Variants in CASKIN1 observed in about 807,000 individuals in gnomAD.
CASKIN1 encodes the protein CASK interacting protein 1, also known as caskin-1.
CASKIN1 carries 42 observed loss-of-function variants against 117.5 expected under a neutral mutation model. The observed-to-expected ratio is 0.36, with a 90% CI of 0.28 to 0.46. The LOEUF is 0.46. Among genes scored for constraint, CASKIN1 ranks in the 20% least tolerant of loss-of-function variants. The pLI is 1.00. For missense variants in CASKIN1, 2,083 were observed against 2,077.3 expected (o/e 1.00, Z -0.05); for synonymous variants, 1,148 against 961.7 (o/e 1.19, Z -3.59).
At chr16:2,186,501 A>G (rs1383949911) in intron 10 of CASKIN1, among the ~76,000 whole-genome samples, 1 of 152,100 alleles carries the variant, frequency 6.6e-6, no homozygotes, top group African/African-American at 2.4e-5. Context: ...ATGGCAGCAC[A>G]CAGTGCTTGG....
At chr16:2,183,515 G>A (rs2093174385) in intron 16 of CASKIN1, 131 bp downstream of exon 16, 1 of 839,660 alleles carries the variant, frequency 1.2e-6, no homozygotes, top group Admixed American at 2.5e-5. Context: ...CCTGCTAGCA[G>A]GGCATCCTCC....
At position 2,183,571 on chromosome 16, in the gene CASKIN1, C is replaced by G. The variant is rs975635066; in HGVS notation, c.1629+75G>C. The G allele has an allele frequency of 3.1e-5, 45 of 1,458,256 alleles. No homozygotes were observed. The South Asian group carries it at 5.2e-4, about 17-fold the overall frequency. 90.3% of individuals were successfully genotyped at this position (1,458,256 alleles called of 1,614,324 possible). A position where few individuals can be genotyped will look rare whatever the true frequency, so the allele number is the denominator to read the frequency against. ...CCTGAGGGCGGGTGGGAGTTGTGGC[C>G]AGGGAGGCAGGTTCTCTGTCTGTCT... On this transcript the variant is annotated intron_variant, in intron 16 of 19. Coordinates refer to ENST00000343516, the MANE Select transcript of CASKIN1 (RefSeq NM_020764.4).
intron 3 of CASKIN1, among the ~76,000 whole-genome samples, 181 bp downstream of exon 3, chr16:2,189,892 G>A (rs1269742072): frequency 6.6e-6 from 1 of 152,030 alleles, no homozygotes; most frequent in Non-Finnish European, 1.5e-5. Context: ...GGGGGTGCTA[G>A]GAGCTGACCC....
At chr16:2,190,737 G>C (rs928430559) in intron 1 of CASKIN1, among the ~76,000 whole-genome samples, 5 of 152,214 alleles carry the variant, frequency 3.3e-5, no homozygotes, top group Non-Finnish European at 7.4e-5. Context: ...GGGAGGGAGA[G>C]AGCCGGCCCA....
Position 2,189,288 on chromosome 16 carries a change from T to G in CASKIN1, c.436A>C (p.Asn146His). Residue 146 changes from asparagine (N) to histidine (H), a missense_variant, in exon 5 of 20, where the codon AAC becomes CAC. Physicochemically the swap from Asn to His is moderately conservative, Grantham distance 68. Coordinates refer to ENST00000343516, the MANE Select transcript of CASKIN1 (RefSeq NM_020764.4). Reference protein sequence around the residue: ...QHQSNPCMVDNSGKTPLDLAC... With the variant: ...QHQSNPCMVDHSGKTPLDLAC... Reference sequence around the variant, plus strand: ...AGGTCCAGGGGCGTCTTCCCCGAGTTGTCCACCATGCACGGGTTAGACTGG... The same window carrying G: ...AGGTCCAGGGGCGTCTTCCCCGAGTGGTCCACCATGCACGGGTTAGACTGG... 1 of 1,613,276 alleles carries G rather than the reference T, an allele frequency of 6.2e-7. No homozygotes were observed. Among genetic ancestry groups the G allele is most frequent in the Non-Finnish European group, 8.5e-7 (1 of 1,179,906 alleles).
Position 2,187,455 on chromosome 16 carries a change from G to A in CASKIN1, c.624C>T (p.Leu208=). 6.2e-7 allele frequency: 1 copy of A among 1,604,062 alleles called. No individual in the cohort carries two copies. Among genetic ancestry groups the A allele is most frequent in the South Asian group, 1.1e-5 (1 of 91,008 alleles). ...GGTTAATGTCGATGCCGGCTTGGAGGAGGAGCCTGGCGGGAAGGCAAGGTG... is the reference window on the plus strand; with the variant it reads ...GGTTAATGTCGATGCCGGCTTGGAGAAGGAGCCTGGCGGGAAGGCAAGGTG... ...KNGHIDIIRL[L]LQAGIDINRQ... is the part of the protein sequence containing the mutation. Residue 208 remains leucine, a synonymous_variant, in exon 7 of 20, where the codon CTC becomes CTT. Coordinates refer to ENST00000343516, the MANE Select transcript of CASKIN1 (RefSeq NM_020764.4).
rs777290410 is a variant in CASKIN1 at position 2,180,173 on chromosome 16, C to T, written c.3195G>A (p.Thr1065=). 20 of 1,549,990 alleles carry T rather than the reference C, an allele frequency of 1.3e-5. No individual in the cohort carries two copies. Among genetic ancestry groups the T allele is most frequent in the South Asian group, 4.7e-5 (4 of 84,346 alleles). ...GAAGTCCGGTGACTGGCCCGCTGAG[C>T]GTGCGGCGCCGGTTCACCACCTCCC... ...PGGEVVNRRR[T]LSGPVTGLLA... is the part of the protein sequence containing the mutation. The change falls in exon 18 of 20, where the codon ACG becomes ACA. Residue 1065 remains threonine (T), a synonymous_variant. Coordinates refer to ENST00000343516, the MANE Select transcript of CASKIN1 (RefSeq NM_020764.4).
chr16:2,180,462 T>C lies in CASKIN1; in HGVS notation c.2906A>G (p.Asp969Gly), dbSNP rs1261985434. ...SANLADEPVP[D>G]AEPEDGLLGV... ...CAGCAGGCCATCCTCAGGCTCGGCG[T>C]CAGGCACCGGCTCATCCGCCAGGTT... is the stretch of plus-strand genomic sequence containing the variant. The change falls in exon 18 of 20, where the codon GAC becomes GGC. Residue 969 changes from aspartate to glycine, a missense_variant. By Grantham distance (94) the Asp-to-Gly change is moderately conservative. Coordinates refer to ENST00000343516, the MANE Select transcript of CASKIN1 (RefSeq NM_020764.4). The C allele has an allele frequency of 6.4e-7, 1 of 1,555,046 alleles. No homozygotes were observed. The highest frequency in any genetic ancestry group is 8.6e-7 in the Non-Finnish European group (1 of 1,157,282).
chr16:2,183,623 C>T (rs2093174761), intron 16 of CASKIN1, 23 bp downstream of exon 16: 1 of 1,610,466 alleles, frequency 6.2e-7, no homozygotes, highest in African/African-American at 1.3e-5. Context: ...TGGGCCCAGC[C>T]CCTGGGATGC....
intron 10 of CASKIN1, among the ~76,000 whole-genome samples, chr16:2,186,207 A>G (rs1474411647): frequency 6.6e-6 from 1 of 152,122 alleles, no homozygotes; most frequent in East Asian, 1.9e-4. Flanking sequence ...GGGCTCAAAC[A>G]ATCCTCTAGC....
At position 2,178,443 on chromosome 16, in the gene CASKIN1, G is replaced by C; in HGVS notation, c.*107C>G. The stretch of plus-strand genomic sequence containing the variant: ...CAGGGGCCGGAGTTGTGCTTCTGCA[G>C]GGCCCTGCCCGGCCGCTCGCGCCGC... On this transcript the variant is annotated 3_prime_UTR_variant, in exon 20 of 20. Transcript: ENST00000343516. 1.2e-6 allele frequency: 1 copy of C among 828,350 alleles called. No individual in the cohort carries two copies. The highest frequency in any genetic ancestry group is 1.7e-6 in the Non-Finnish European group (1 of 581,430). 51.3% of individuals were successfully genotyped at this position (828,350 alleles called of 1,614,324 possible). A position where few individuals can be genotyped will look rare whatever the true frequency, so the allele number is the denominator to read the frequency against.
In CASKIN1 at chr16:2,181,210, G is replaced by T. The variant is rs761395958; in HGVS notation, c.2158C>A (p.Pro720Thr). Residue 720 changes from proline (P) to threonine (T), a missense_variant, in exon 18 of 20, where the codon CCC becomes ACC. Around this residue, in one of 3 missense-constraint regions of CASKIN1, gnomAD observed 1,818 missense variants for 1,688.9 expected, o/e 1.08. Transcript: ENST00000343516. ...AGGTACTCCTGGCTTCGAGACATGGGGCTGCTGGGCCCAGGGGGCCCATCT... is the reference window on the plus strand; with the variant it reads ...AGGTACTCCTGGCTTCGAGACATGGTGCTGCTGGGCCCAGGGGGCCCATCT... ...LGDGPPGPSSPMSRSQEYLLD... is the reference protein window; with the variant it reads ...LGDGPPGPSSTMSRSQEYLLD... The T allele has an allele frequency of 3.3e-5, 53 of 1,583,780 alleles. No homozygotes were observed. In the South Asian group the frequency reaches 5.5e-4, roughly 16 times the overall value.
Position 2,178,016 on chromosome 16 carries a change from G to A in CASKIN1, c.*534C>T, listed in dbSNP as rs768539963. ...TTCAGTTGGTAAATGGTTTTCTATAGAATCAATAATATTTCTTTCTTTAAA... is the reference window on the plus strand; with the variant it reads ...TTCAGTTGGTAAATGGTTTTCTATAAAATCAATAATATTTCTTTCTTTAAA... On this transcript the variant is annotated 3_prime_UTR_variant, in exon 20 of 20. Coordinates refer to ENST00000343516, the MANE Select transcript of CASKIN1 (RefSeq NM_020764.4). 5 of 422,304 alleles carry A rather than the reference G, an allele frequency of 1.2e-5. No homozygotes were observed. The highest frequency in any genetic ancestry group is 6.7e-5 in the Admixed American group (2 of 29,742). 26.2% of individuals were successfully genotyped at this position (422,304 alleles called of 1,614,324 possible).
chr16:2,179,834 G>A lies in CASKIN1; in HGVS notation c.3534C>T (p.Arg1178=), dbSNP rs1596685177. 1 of 1,599,392 alleles carries A rather than the reference G, an allele frequency of 6.3e-7. No homozygotes were observed. Among genetic ancestry groups the A allele is most frequent in the Non-Finnish European group, 8.5e-7 (1 of 1,174,690 alleles). The part of the protein sequence containing the change: ...SVYHNGTGTV[R]RRPASEQAGP... The stretch of plus-strand genomic sequence containing the variant: ...CAGCCTGCTCCGAGGCCGGTCGGCG[G>A]CGCACGGTGCCAGTGCCATTATGGT... Residue 1178 remains arginine (R), a synonymous_variant, in exon 18 of 20, where the codon CGC becomes CGT. Transcript: ENST00000343516. This position sits in a 1 kb window ranked among gnomAD's most constrained non-coding sequence, Gnocchi z 5.8.
intron 14 of CASKIN1, 39 bp from the exon 15 acceptor site, chr16:2,183,980 C>G: frequency 1.4e-6 from 2 of 1,387,740 alleles, no homozygotes; most frequent in Non-Finnish European, 1.9e-6. Context: ...CTCGCCTGCC[C>G]GGCCGCGCCC....
chr16:2,185,511 T>G, intron 10 of CASKIN1, 103 bp from the exon 11 acceptor site: 1 of 944,122 alleles, frequency 1.1e-6, no homozygotes, highest in Non-Finnish European at 1.6e-6. Flanking sequence ...GGGGGTCCTC[T>G]CTGCCCACCA....
At position 2,178,004 on chromosome 16, in the gene CASKIN1, T is replaced by C. The variant is rs943244183; in HGVS notation, c.*546A>G. 1.7e-5 allele frequency: 7 copies of C among 400,286 alleles called. No homozygotes were observed. Among genetic ancestry groups the C allele is most frequent in the Non-Finnish European group, 3.3e-5 (7 of 212,202 alleles). 24.8% of individuals were successfully genotyped at this position (400,286 alleles called of 1,614,324 possible). ...ACTTCGTGTCCTTTCAGTTGGTAAATGGTTTTCTATAGAATCAATAATATT... is the reference window on the plus strand; with the variant it reads ...ACTTCGTGTCCTTTCAGTTGGTAAACGGTTTTCTATAGAATCAATAATATT... On this transcript the variant is annotated 3_prime_UTR_variant, in exon 20 of 20. Coordinates refer to ENST00000343516, the MANE Select transcript of CASKIN1 (RefSeq NM_020764.4).
At chr16:2,185,258 G>A (rs771671598) in intron 11 of CASKIN1, 49 bp downstream of exon 11, 3 of 1,599,712 alleles carry the variant, frequency 1.9e-6, no homozygotes, top group Non-Finnish European at 1.7e-6. Flanking sequence ...CCCCACGGTG[G>A]TGCCTTGTGG....
At chr16:2,193,994 G>GC (rs1171658005) in intron 1 of CASKIN1, among the ~76,000 whole-genome samples, 3 of 152,008 alleles carry the variant, frequency 2.0e-5, no homozygotes, top group African/African-American at 4.8e-5. Flanking sequence ...AAGTCCAGGA[G>GC]CCCCCCTCCC....
Sources: gnomAD v4.1 joint callset for allele counts (sites outside exome capture counted in the v4.1 genomes callset) on GRCh38, gnomAD v4.1.1 for gene constraint, gnomAD v4.1.1 regional missense constraint, Gnocchi (gnomAD v3.1) non-coding constraint, MANE v1.5 for transcripts, NCBI Gene and HGNC (gene_info 2026-07-23, HGNC 2026-07-21) for gene names.